Variants in RFX3 observed in about 807,000 individuals in gnomAD.
RFX3 encodes regulatory factor X3.
A neutral mutation model predicts 98.6 loss-of-function variants in RFX3; 14 were observed. That is an observed-to-expected ratio of 0.14 (90% CI 0.09 to 0.22). RFX3 has a LOEUF of 0.22. RFX3 is among the 10% of genes least tolerant of loss of function. The probability of loss-of-function intolerance (pLI) is 1.00; values close to 1 mark genes in which losing one functional copy is unlikely to be tolerated. For missense variants in RFX3, 639 were observed against 926.9 expected (o/e 0.69, Z 4.03); for synonymous variants, 383 against 328.4 (o/e 1.17, Z -1.80).
chr9:3,377,293 A>T (rs1838651972), intron 2 of RFX3, among the ~76,000 whole-genome samples: 1 of 152,212 alleles, frequency 6.6e-6, no homozygotes, highest in South Asian at 2.1e-4. Flanking sequence ...TGTCCTTTGT[A>T]GGGACATGGA....
intron 4 of RFX3, among the ~76,000 whole-genome samples, chr9:3,309,252 G>A (rs775653618): frequency 5.9e-5 from 9 of 152,060 alleles, no homozygotes; most frequent in East Asian, 1.9e-4. Context: ...GGGAGATGTC[G>A]TATTTCACAC....
chr9:3,357,911 T>G (rs1835965174), intron 2 of RFX3, among the ~76,000 whole-genome samples: 1 of 152,104 alleles, frequency 6.6e-6, no homozygotes, highest in Non-Finnish European at 1.5e-5. Context: ...AAAGGTCTTC[T>G]GTAACTTATT....
intron 1 of RFX3, among the ~76,000 whole-genome samples, chr9:3,397,242 A>C (rs1316879110): frequency 6.6e-6 from 1 of 152,222 alleles, no homozygotes; most frequent in East Asian, 1.9e-4. Flanking sequence ...CAATAAAAGA[A>C]ATATGAATTT....
At position 3,327,566 on chromosome 9, in the gene RFX3, A is replaced by G. The variant is rs543894922; in HGVS notation, c.474+2693T>C. 2.3e-4 allele frequency among the ~76,000 whole-genome samples: 35 copies of G among 151,874 alleles called. No homozygotes were observed. The Middle Eastern group carries it at 0.01, about 44-fold the overall frequency. On this transcript the variant is annotated intron_variant, in intron 4 of 16. Coordinates refer to ENST00000617270, the MANE Select transcript of RFX3 (RefSeq NM_001282116.2). Reference sequence around the variant, plus strand: ...CCATACAAAAGTTACTTTTTTTTTAATTTTTATACTCCTTTTGTTAAAAAG... The same window carrying G: ...CCATACAAAAGTTACTTTTTTTTTAGTTTTTATACTCCTTTTGTTAAAAAG...
chr9:3,332,613 G>T (rs904598987), intron 3 of RFX3, among the ~76,000 whole-genome samples: 2 of 152,064 alleles, frequency 1.3e-5, no homozygotes. Context: ...AAATAAAACC[G>T]CTTAAAAACC....
chr9:3,456,676 T>A (rs1847178918), intron 1 of RFX3, among the ~76,000 whole-genome samples: 1 of 152,186 alleles, frequency 6.6e-6, no homozygotes, highest in African/African-American at 2.4e-5. Flanking sequence ...TGGCCATCTA[T>A]TAAATATGTC....
rs1291907836 is a variant in RFX3 at position 3,223,141 on chromosome 9, T to A, written c.*1901A>T. ...AATATAGGCCTCATTTGATAATCTGTCAATCATTTTGTGCTTTCCTTTTTT... is the reference window on the plus strand; with the variant it reads ...AATATAGGCCTCATTTGATAATCTGACAATCATTTTGTGCTTTCCTTTTTT... On this transcript the variant is annotated 3_prime_UTR_variant, in exon 17 of 17. Transcript: ENST00000617270. The A allele has an allele frequency of 6.6e-6, 1 of 152,100 alleles. No homozygotes were observed. Among genetic ancestry groups the A allele is most frequent in the African/African-American group, 2.4e-5 (1 of 41,420 alleles). The allele number at this position is 152,100 out of a possible 1,614,324, so 9.4% of individuals were successfully genotyped here. A position where few individuals can be genotyped will look rare whatever the true frequency, so the allele number is the denominator to read the frequency against.
rs1197241976 is a variant in RFX3, at chr9:3,251,955, T to G, written c.1815-3770A>C. Among the ~76,000 whole-genome samples, 5 of 152,042 alleles carry G rather than the reference T, an allele frequency of 3.3e-5. No individual in the cohort carries two copies. In the East Asian group the frequency reaches 9.7e-4, roughly 30 times the overall value. On this transcript the variant is annotated intron_variant, in intron 14 of 16. Coordinates refer to ENST00000617270, the MANE Select transcript of RFX3 (RefSeq NM_001282116.2). The stretch of plus-strand genomic sequence containing the variant: ...CCTCTGCCTCCCGGGTTCAAGCGAT[T>G]CTCCTGCCTCAGCCTCCCGAGTAGC...
chr9:3,317,933 G>A (rs200276272), intron 4 of RFX3, among the ~76,000 whole-genome samples: 2 of 152,110 alleles, frequency 1.3e-5, no homozygotes, highest in African/African-American at 2.4e-5. Flanking sequence ...GGGACTGTAA[G>A]CTAGTTTAAC....
chr9:3,370,318 A>G (rs1278376876), intron 2 of RFX3, among the ~76,000 whole-genome samples: 2 of 151,862 alleles, frequency 1.3e-5, no homozygotes, highest in Non-Finnish European at 2.9e-5. Flanking sequence ...TTCAAAAGTA[A>G]GTAGTTTTGG....
chr9:3,391,623 G>A (rs574471935), intron 2 of RFX3, among the ~76,000 whole-genome samples: 4 of 152,282 alleles, frequency 2.6e-5, no homozygotes, highest in South Asian at 2.1e-4. Context: ...GTGTGGTCCA[G>A]GTGTACACAA....
intron 1 of RFX3, among the ~76,000 whole-genome samples, chr9:3,405,690 T>C (rs554375329): frequency 2.0e-5 from 3 of 152,190 alleles, no homozygotes; most frequent in Non-Finnish European, 4.4e-5. Context: ...TCTTCCAAAT[T>C]TAATAAATTA....
intron 4 of RFX3, among the ~76,000 whole-genome samples, chr9:3,323,101 A>G (rs1204882944): frequency 2.0e-5 from 3 of 152,240 alleles, no homozygotes; most frequent in Non-Finnish European, 4.4e-5. Flanking sequence ...ATTAGAGTTT[A>G]AAGGAAACCA....
chr9:3,381,440 TATCATTTCAACA>T (rs1402727129), intron 2 of RFX3, among the ~76,000 whole-genome samples: 4 of 152,152 alleles, frequency 2.6e-5, no homozygotes, highest in African/African-American at 4.8e-5. Context: ...AATTTTGCTC[TATCATTTCAACA>T]ATCATTTCAA....
At chr9:3,292,991 T>A in intron 6 of RFX3, 86 bp downstream of exon 6, 1 of 1,040,142 alleles carries the variant, frequency 9.6e-7, no homozygotes, top group Non-Finnish European at 1.4e-6. Flanking sequence ...TTGTCTGTAA[T>A]CAAGTACTTT....
Position 3,475,901 on chromosome 9 carries a change from C to G in RFX3, c.-9+49846G>C, listed in dbSNP as rs112212104. ...TGCTAAGTAGTAGGTGTTTTCCCTT[C>G]GCACTGACGCTACCACTAGACCACA... On this transcript the variant is annotated intron_variant, in intron 1 of 16. Transcript: ENST00000617270. 3.4e-3 allele frequency among the ~76,000 whole-genome samples: 523 copies of G among 152,252 alleles called. 4 individuals are homozygous for G. The highest frequency in any genetic ancestry group is 0.012 in the African/African-American group (493 of 41,550).
intron 1 of RFX3, among the ~76,000 whole-genome samples, chr9:3,444,615 A>G (rs1845879518): frequency 6.6e-6 from 1 of 152,204 alleles, no homozygotes; most frequent in Non-Finnish European, 1.5e-5. Context: ...TTTTCACAAA[A>G]TCAACGACTG....
chr9:3,343,727 A>G (rs1834144658), intron 3 of RFX3, among the ~76,000 whole-genome samples: 1 of 152,236 alleles, frequency 6.6e-6, no homozygotes, highest in Admixed American at 6.5e-5. Flanking sequence ...TATCCTTGAT[A>G]GTAATGAAAG....
chr9:3,385,659 G>A lies in RFX3; in HGVS notation c.117+9813C>T, dbSNP rs143982044. ...GGAGGCAGAGGTTGCAGTGAGCCAA[G>A]ATTGCACCATTGCACTCCAGCCTGT... On this transcript the variant is annotated intron_variant, in intron 2 of 16. Coordinates refer to ENST00000617270, the MANE Select transcript of RFX3 (RefSeq NM_001282116.2). Among the ~76,000 whole-genome samples, 1,316 of 140,112 alleles carry A rather than the reference G, an allele frequency of 9.4e-3. 18 individuals carry two copies. Among genetic ancestry groups the A allele is most frequent in the African/African-American group, 0.034 (1,254 of 37,180 alleles). 91.9% of individuals were successfully genotyped at this position (140,112 alleles called of 152,430 possible). A position where few individuals can be genotyped will look rare whatever the true frequency, so the allele number is the denominator to read the frequency against.
Sources: gnomAD v4.1 joint callset for allele counts (sites outside exome capture counted in the v4.1 genomes callset) on GRCh38, gnomAD v4.1.1 for gene constraint, MANE v1.5 for transcripts, NCBI Gene and HGNC (gene_info 2026-07-23, HGNC 2026-07-21) for gene names.